OR1B1: variants seen among roughly 807,000 people sequenced by gnomAD.
The protein encoded by OR1B1 is olfactory receptor 1B1.
For missense variants in OR1B1, 414 were observed against 402.1 expected (o/e 1.03, Z -0.25); for synonymous variants, 168 against 156.2 (o/e 1.08, Z -0.57).
At position 122,628,618 on chromosome 9, in the gene OR1B1, T is replaced by A. The variant is rs145560659; in HGVS notation, c.918A>T (p.Ala306=). The A allele has an allele frequency of 7.2e-4, 1,156 of 1,613,690 alleles. 4 individuals carry two copies. Among genetic ancestry groups the A allele is most frequent in the Non-Finnish European group, 9.2e-4 (1,082 of 1,179,788 alleles). The change falls in exon 1 of 1, where the codon GCA becomes GCT. Residue 306 remains alanine, a synonymous_variant. Transcript: ENST00000623530. ...TCACCCATTCAAGCAGCCTGCAGAG[T>A]GCACCCTTGACATCCTTATTGTGGA...
At chr9:122,655,699 G>T in the OR1B1 span, among the ~76,000 whole-genome samples, 9 of 146,898 alleles carry the variant, frequency 6.1e-5, no homozygotes, top group Non-Finnish European at 1.1e-4. Context: ...GGGTTGGGGT[G>T]GGGGGAGGGA....
chr9:122,657,624 A>C, the OR1B1 span, among the ~76,000 whole-genome samples: 1 of 152,194 alleles, frequency 6.6e-6, no homozygotes, highest in Non-Finnish European at 1.5e-5. Flanking sequence ...AAACCTCCAG[A>C]CCTGAGATAG....
chr9:122,642,014 T>C, the OR1B1 span, among the ~76,000 whole-genome samples: 371 of 151,986 alleles, frequency 2.4e-3, 1 homozygote, highest in African/African-American at 8.5e-3. Flanking sequence ...AAGAAGGGCG[T>C]GCAGATGATG....
upstream of OR1B1, among the ~76,000 whole-genome samples, chr9:122,634,295 C>T (rs1830235433): frequency 6.8e-6 from 1 of 146,920 alleles, no homozygotes; most frequent in Non-Finnish European, 1.5e-5. Flanking sequence ...GAGATCATGC[C>T]ATTGCACTCC....
At chr9:122,642,071 A>G in the OR1B1 span, among the ~76,000 whole-genome samples, 4 of 152,214 alleles carry the variant, frequency 2.6e-5, no homozygotes, top group Non-Finnish European at 5.9e-5. Flanking sequence ...GAAAGCAGAA[A>G]AGAGATGGTT....
chr9:122,641,978 G>C, the OR1B1 span, among the ~76,000 whole-genome samples: 1 of 152,098 alleles, frequency 6.6e-6, no homozygotes, highest in Non-Finnish European at 1.5e-5. Flanking sequence ...GAGATAATGA[G>C]CAGAAATAAA....
At chr9:122,641,531 G>A in the OR1B1 span, among the ~76,000 whole-genome samples, 1 of 152,150 alleles carries the variant, frequency 6.6e-6, no homozygotes, top group Non-Finnish European at 1.5e-5. Flanking sequence ...GGTGGAAAGA[G>A]AATGCACACT....
exon 1 of OR1B1, chr9:122,628,747 A>C (rs1476858): frequency 0.81 from 1,300,034 of 1,613,654 alleles, 528,694 homozygotes; most frequent in East Asian, 0.94. Context: ...GGAAGTAGAC[A>C]CAAATGATGG....
At chr9:122,647,921 AC>A in the OR1B1 span, among the ~76,000 whole-genome samples, 1 of 152,338 alleles carries the variant, frequency 6.6e-6, no homozygotes, top group East Asian at 1.9e-4. Context: ...TCATTCTCCA[AC>A]AGTGTTTATA....
chr9:122,645,323 G>T, the OR1B1 span, among the ~76,000 whole-genome samples: 2 of 152,150 alleles, frequency 1.3e-5, no homozygotes, highest in East Asian at 3.9e-4. Context: ...ACAGAGTTTT[G>T]CTCTTAAAGA....
chr9:122,645,392 T>G, the OR1B1 span, among the ~76,000 whole-genome samples: 1 of 151,896 alleles, frequency 6.6e-6, no homozygotes, highest in Admixed American at 6.6e-5. Context: ...AACAGAGAAC[T>G]TCACAAACCT....
Position 122,628,907 on chromosome 9 carries a change from C to G in OR1B1, c.629G>C (p.Gly210Ala), listed in dbSNP as rs764858115. 3 of 1,614,092 alleles carry G rather than the reference C, an allele frequency of 1.9e-6. No homozygotes were observed. The Admixed American group carries it at 5.0e-5, about 27-fold the overall frequency. ...GGCACAGGGGCCCAGCATAAGGAAG[C>G]CACCCTCAAAGAATATGGCCAGCTC... Residue 210 changes from glycine to alanine, a missense_variant, in exon 1 of 1, where the codon GGC becomes GCC. Transcript: ENST00000623530.
downstream of OR1B1, chr9:122,628,453 A>C: frequency 1.5e-6 from 1 of 670,792 alleles, no homozygotes; most frequent in Non-Finnish European, 2.7e-6. Flanking sequence ...AACATTGACA[A>C]GAGCCAAATC....
the OR1B1 span, among the ~76,000 whole-genome samples, chr9:122,646,995 G>C: frequency 6.6e-6 from 1 of 152,230 alleles, no homozygotes; most frequent in Non-Finnish European, 1.5e-5. Flanking sequence ...ATCAGTGTTA[G>C]GTTGTCATAA....
the OR1B1 span, among the ~76,000 whole-genome samples, chr9:122,636,829 C>G: frequency 9.2e-5 from 14 of 152,252 alleles, no homozygotes; most frequent in African/African-American, 3.4e-4. Flanking sequence ...TCCATATCTG[C>G]CATTTATTAA....
chr9:122,654,863 G>T, the OR1B1 span, among the ~76,000 whole-genome samples: 8 of 152,112 alleles, frequency 5.3e-5, no homozygotes, highest in Non-Finnish European at 1.0e-4. Context: ...CCTTTGTAAG[G>T]CTAAATAATA....
the OR1B1 span, among the ~76,000 whole-genome samples, chr9:122,654,382 A>T: frequency 2.0e-5 from 3 of 152,124 alleles, no homozygotes; most frequent in Non-Finnish European, 1.5e-5. Flanking sequence ...CTCTCCTAAG[A>T]CCCAGCTGTT....
chr9:122,652,940 T>G, the OR1B1 span, among the ~76,000 whole-genome samples: 1 of 152,152 alleles, frequency 6.6e-6, no homozygotes, highest in African/African-American at 2.4e-5. Flanking sequence ...AAGCTAAGGG[T>G]GCCTGTGACA....
the OR1B1 span, among the ~76,000 whole-genome samples, chr9:122,648,459 A>G: frequency 4.6e-5 from 7 of 152,226 alleles, no homozygotes; most frequent in Non-Finnish European, 1.0e-4. Flanking sequence ...ATCACACAGA[A>G]TGGGCAAAAG....
Sources: allele counts gnomAD v4.1 joint callset (sites outside exome capture counted in the v4.1 genomes callset), GRCh38; gene constraint gnomAD v4.1.1; transcripts MANE v1.5; gene names NCBI Gene and HGNC (gene_info 2026-07-23, HGNC 2026-07-21).